The following STX8 variants were observed in gnomAD, a reference collection of about 807,000 sequenced individuals.
The protein encoded by STX8 is syntaxin-8.
In STX8, 23 loss-of-function variants were observed where a neutral mutation model predicts 37.5. The observed-to-expected ratio is 0.61, with a 90% CI of 0.44 to 0.87. The LOEUF is 0.87. Among genes scored for constraint, STX8 ranks in the 40% least tolerant of loss-of-function variants. The pLI is 0.00. For missense variants in STX8, 313 were observed against 284.7 expected, an observed-to-expected ratio of 1.10 and a Z score of -0.71; for synonymous variants, 115 against 99.1, an observed-to-expected ratio of 1.16 and a Z score of -0.95.
intron 7 of STX8, among the ~76,000 whole-genome samples, chr17:9,258,746 C>T (rs930991438): frequency 2.0e-5 from 3 of 152,342 alleles, no homozygotes; most frequent in African/African-American, 7.2e-5. Context: ...TTTTCTTTCT[C>T]TGTATTGTGG....
chr17:9,556,776 T>TACACATAC (rs767136031), intron 3 of STX8: 15 of 92,198 alleles, frequency 1.6e-4, no homozygotes, highest in Non-Finnish European at 2.8e-4. Flanking sequence ...TATATATATA[T>TACACATAC]ATATATATAT....
At chr17:9,509,804 A>G (rs1044827020) in intron 4 of STX8, among the ~76,000 whole-genome samples, 7 of 149,790 alleles carry the variant, frequency 4.7e-5, no homozygotes, top group South Asian at 4.3e-4. Context: ...TGAATTAAAT[A>G]TCTCATTAAA....
intron 5 of STX8, among the ~76,000 whole-genome samples, chr17:9,494,921 A>T (rs1345999015): frequency 6.6e-6 from 1 of 152,182 alleles, no homozygotes; most frequent in Non-Finnish European, 1.5e-5. Flanking sequence ...ACCACGGAAC[A>T]CGCCGCATGA....
chr17:9,455,988 G>A (rs1905175857), intron 6 of STX8, among the ~76,000 whole-genome samples: 1 of 152,002 alleles, frequency 6.6e-6, no homozygotes, highest in Admixed American at 6.5e-5. Context: ...GGGATCTGGG[G>A]GCACAATTTA....
chr17:9,546,591 GTTT>G (rs386385626), intron 3 of STX8, among the ~76,000 whole-genome samples: 1 of 52,208 alleles, frequency 1.9e-5, no homozygotes, highest in African/African-American at 8.2e-5. Flanking sequence ...TACAAAAGTG[GTTT>G]TTTTTTTTTT....
chr17:9,523,578 G>A (rs1905450088), intron 4 of STX8, among the ~76,000 whole-genome samples: 1 of 152,144 alleles, frequency 6.6e-6, no homozygotes, highest in African/African-American at 2.4e-5. Flanking sequence ...TCCGTTGAGT[G>A]TCCAGTCAAG....
At chr17:9,332,399 T>A (rs900983631) in intron 7 of STX8, among the ~76,000 whole-genome samples, 1 of 152,186 alleles carries the variant, frequency 6.6e-6, no homozygotes, top group African/African-American at 2.4e-5. Flanking sequence ...TTTGGTTAAC[T>A]TAACCAACAT....
At chr17:9,573,183 G>T (rs1425143454) in intron 1 of STX8, among the ~76,000 whole-genome samples, 2 of 150,654 alleles carry the variant, frequency 1.3e-5, no homozygotes, top group Admixed American at 6.7e-5. Context: ...GGGAAGAGGG[G>T]ATCAGACATG....
intron 6 of STX8, among the ~76,000 whole-genome samples, chr17:9,386,218 G>C (rs781071547): frequency 8.6e-5 from 13 of 151,992 alleles, no homozygotes; most frequent in Middle Eastern, 3.4e-3. Context: ...AAAGCAAATT[G>C]GGGTATATCT....
intron 4 of STX8, chr17:9,540,746 T>C (rs1906248912): frequency 1.3e-5 from 2 of 152,200 alleles, no homozygotes; most frequent in African/African-American, 4.8e-5. Flanking sequence ...AACAGAATTC[T>C]TCTAGAACCT....
chr17:9,255,557 T>TAAATAAATAA (rs1906762578), intron 7 of STX8, among the ~76,000 whole-genome samples: 2 of 109,816 alleles, frequency 1.8e-5, no homozygotes, highest in African/African-American at 3.9e-5. Flanking sequence ...TAAATAAATA[T>TAAATAAATAA]ATAAATAAAT....
intron 4 of STX8, among the ~76,000 whole-genome samples, chr17:9,525,315 C>A (rs1905517545): frequency 6.6e-6 from 1 of 151,944 alleles, no homozygotes; most frequent in Admixed American, 6.6e-5. Context: ...TCAGCCTCCC[C>A]CCACTGCCCA....
chr17:9,470,752 A>C (rs147612881), intron 6 of STX8, among the ~76,000 whole-genome samples: 5,645 of 152,118 alleles, frequency 0.037, 128 homozygotes, highest in East Asian at 0.061. Context: ...TTTGAGACAG[A>C]GTCTCACTCT....
intron 7 of STX8, among the ~76,000 whole-genome samples, chr17:9,304,737 G>A (rs2142182507): frequency 6.6e-6 from 1 of 151,970 alleles, no homozygotes; most frequent in Non-Finnish European, 1.5e-5. Context: ...AGACTGTGAG[G>A]CGATAGTCTT....
At chr17:9,322,081 T>C (rs2142205551) in intron 7 of STX8, among the ~76,000 whole-genome samples, 1 of 152,350 alleles carries the variant, frequency 6.6e-6, no homozygotes, top group Non-Finnish European at 1.5e-5. Context: ...GATTCACTTA[T>C]TTCTATCAGA....
At chr17:9,298,868 C>A (rs940601661) in intron 7 of STX8, among the ~76,000 whole-genome samples, 5 of 152,144 alleles carry the variant, frequency 3.3e-5, no homozygotes, top group African/African-American at 1.2e-4. Context: ...TAGCATCTGT[C>A]CTTGCAAGCA....
chr17:9,492,226 TG>T (rs1270235272), intron 5 of STX8, among the ~76,000 whole-genome samples: 1 of 152,144 alleles, frequency 6.6e-6, no homozygotes, highest in South Asian at 2.1e-4. Flanking sequence ...AGAAAAAGAC[TG>T]AATATCCCAA....
intron 4 of STX8, among the ~76,000 whole-genome samples, chr17:9,534,526 C>G (rs2142547508): frequency 6.6e-6 from 1 of 152,310 alleles, no homozygotes; most frequent in South Asian, 2.1e-4. Flanking sequence ...CGTGGTGGCT[C>G]ACACCTATAA....
intron 1 of STX8, among the ~76,000 whole-genome samples, chr17:9,573,749 T>C (rs1440437001): frequency 6.6e-6 from 1 of 152,168 alleles, no homozygotes; most frequent in Admixed American, 6.5e-5. Flanking sequence ...AACAGTCTAA[T>C]GAGAAAGCCA....
Sources: gnomAD v4.1 joint callset for allele counts (sites outside exome capture counted in the v4.1 genomes callset) on GRCh38, gnomAD v4.1.1 for gene constraint, MANE v1.5 for transcripts, NCBI Gene and HGNC (gene_info 2026-07-23, HGNC 2026-07-21) for gene names.